ADAM12: variants seen among roughly 807,000 people sequenced by gnomAD.
ADAM12 encodes the protein ADAM metallopeptidase domain 12.
ADAM12 carries 70 observed loss-of-function variants against 106.4 expected under a neutral mutation model. The observed-to-expected ratio is 0.66, with a 90% CI of 0.54 to 0.80. The LOEUF (loss-of-function observed/expected upper bound fraction) is 0.80, where lower values mean the gene tolerates loss of function less well. Among genes scored for constraint, ADAM12 ranks in the 30% least tolerant of loss-of-function variants. The pLI is 0.00. For synonymous variants in ADAM12, 420 were observed against 433.5 expected, an observed-to-expected ratio of 0.97 and a Z score of 0.39; for missense variants, 1,010 against 1,171.9, an observed-to-expected ratio of 0.86 and a Z score of 2.02.
intron 3 of ADAM12, among the ~76,000 whole-genome samples, chr10:126,167,447 G>A (rs1038465519): frequency 1.3e-5 from 2 of 152,332 alleles, no homozygotes; most frequent in Admixed American, 6.5e-5. Context: ...AGAATTTGGA[G>A]TGAGTTGGGT....
chr10:126,172,161 T>C (rs977891410), intron 3 of ADAM12, among the ~76,000 whole-genome samples: 2 of 152,230 alleles, frequency 1.3e-5, no homozygotes, highest in African/African-American at 4.8e-5. Context: ...ATGTATTAAG[T>C]GCACTCCTGT....
At chr10:126,246,401 A>G (rs888464567) in intron 3 of ADAM12, among the ~76,000 whole-genome samples, 1 of 152,216 alleles carries the variant, frequency 6.6e-6, no homozygotes, top group Non-Finnish European at 1.5e-5. Context: ...TCCACAAGGT[A>G]TATACCAAAA....
At chr10:126,348,744 CGAA>C (rs1855244202) in intron 1 of ADAM12, among the ~76,000 whole-genome samples, 1 of 151,988 alleles carries the variant, frequency 6.6e-6, no homozygotes, top group Non-Finnish European at 1.5e-5. Flanking sequence ...TTTATGAGAG[CGAA>C]CCATAAATTG....
intron 19 of ADAM12, 48 bp from the exon 20 acceptor site, chr10:126,038,397 A>C: frequency 5.6e-5 from 80 of 1,423,280 alleles, no homozygotes; most frequent in Non-Finnish European, 6.6e-5. Flanking sequence ...TCCCCTTCTC[A>C]CTGACTTGAC....
chr10:126,169,882 C>T (rs780239302), intron 3 of ADAM12, among the ~76,000 whole-genome samples: 1 of 152,222 alleles, frequency 6.6e-6, no homozygotes, highest in Non-Finnish European at 1.5e-5. Flanking sequence ...GTATGCGTGT[C>T]CCCTCCTCAC....
intron 14 of ADAM12, among the ~76,000 whole-genome samples, chr10:126,063,506 C>CTGACAAAGGTCCTATCAGG (rs1430585956): frequency 1.3e-5 from 2 of 152,196 alleles, no homozygotes; most frequent in East Asian, 3.9e-4. Context: ...CAACAAAAGT[C>CTGACAAAGGTCCTATCAGG]TGACAAAGGT....
intron 1 of ADAM12, among the ~76,000 whole-genome samples, chr10:126,343,944 G>T (rs1327381788): frequency 6.6e-6 from 1 of 152,070 alleles, no homozygotes; most frequent in African/African-American, 2.4e-5. Context: ...TGAGTAGATT[G>T]CAAAAATTTT....
rs1953966120 is a variant in ADAM12, at chr10:126,031,240, CAGG to C, written c.2529+4903_2529+4905del. Among the ~76,000 whole-genome samples the C allele has an allele frequency of 2.0e-5, 3 of 152,178 alleles. No individual in the cohort carries two copies. In the South Asian group the frequency reaches 6.2e-4, roughly 32 times the overall value. On this transcript the variant is annotated intron_variant, in intron 21 of 22. Coordinates refer to ENST00000448723, the MANE Select transcript of ADAM12 (RefSeq NM_001288973.2). ...CAGTTTTCTTGTATTTCATCTTCTT[CAGG>C]AGAACATACTAACAAATGGGTCTTC...
intron 3 of ADAM12, among the ~76,000 whole-genome samples, chr10:126,181,211 A>G (rs1957306109): frequency 6.6e-6 from 1 of 152,006 alleles, no homozygotes; most frequent in Admixed American, 6.6e-5. Context: ...AGCTAGGACT[A>G]CAGGCACATA....
At chr10:126,087,123 T>G (rs1029475719) in intron 11 of ADAM12, among the ~76,000 whole-genome samples, 3 of 152,154 alleles carry the variant, frequency 2.0e-5, no homozygotes, top group Non-Finnish European at 4.4e-5. Flanking sequence ...AACTGGATAT[T>G]CAAGGATCAG....
intron 20 of ADAM12, among the ~76,000 whole-genome samples, chr10:126,037,520 CTTAT>C (rs1954082192): frequency 6.6e-6 from 1 of 152,102 alleles, no homozygotes; most frequent in Non-Finnish European, 1.5e-5. Flanking sequence ...TTTTCAATCA[CTTAT>C]TTTTTTTGAC....
rs557850212 is a variant in ADAM12 at position 126,258,090 on chromosome 10, A to G, written c.260+20825T>C. 2.6e-5 allele frequency among the ~76,000 whole-genome samples: 4 copies of G among 152,330 alleles called. No homozygotes were observed. The South Asian group carries it at 8.3e-4, about 32-fold the overall frequency. ...ACCTCCTGCTATATATCAAGCATAG[A>G]ATAATATGCTAGGGACACAGTGGGG... On this transcript the variant is annotated intron_variant, in intron 3 of 22. Coordinates refer to ENST00000448723, the MANE Select transcript of ADAM12 (RefSeq NM_001288973.2).
intron 2 of ADAM12, among the ~76,000 whole-genome samples, chr10:126,291,907 T>C (rs1377845168): frequency 6.6e-6 from 1 of 152,170 alleles, no homozygotes; most frequent in African/African-American, 2.4e-5. Context: ...ACTTTCCATT[T>C]CAACCCAGTC....
In ADAM12 at chr10:126,016,055, T is replaced by A. The variant is rs1036177931; in HGVS notation, c.*1224A>T. The A allele has an allele frequency of 2.6e-5, 4 of 152,150 alleles. No homozygotes were observed. Among genetic ancestry groups the A allele is most frequent in the African/African-American group, 9.7e-5 (4 of 41,436 alleles). The allele number at this position is 152,150 out of a possible 1,614,324, so 9.4% of individuals were successfully genotyped here. On this transcript the variant is annotated 3_prime_UTR_variant, in exon 23 of 23. Transcript: ENST00000448723. Reference sequence around the variant, plus strand: ...AGGTTGCAAGTGTTTAAGAAATAGGTTCAGACTCTGTTAAAAGCATCTTTT... The same window carrying A: ...AGGTTGCAAGTGTTTAAGAAATAGGATCAGACTCTGTTAAAAGCATCTTTT...
intron 6 of ADAM12, among the ~76,000 whole-genome samples, chr10:126,113,699 T>A (rs1298463794): frequency 0.05 from 1,283 of 25,864 alleles, 55 homozygotes; most frequent in Non-Finnish European, 0.064. Flanking sequence ...TATATATATA[T>A]ATATATATAT....
chr10:126,269,606 T>G (rs1313638252), intron 3 of ADAM12, among the ~76,000 whole-genome samples: 1 of 152,108 alleles, frequency 6.6e-6, no homozygotes, highest in Non-Finnish European at 1.5e-5. Context: ...GGCATCAGCC[T>G]CTCCACTGCT....
chr10:126,052,786 T>C (rs1590342421), intron 14 of ADAM12, among the ~76,000 whole-genome samples: 3 of 152,136 alleles, frequency 2.0e-5, no homozygotes, highest in African/African-American at 4.8e-5. Context: ...GCTATCGTTA[T>C]GATAGGAAGT....
rs200515505 is a variant in ADAM12, at chr10:126,019,689, A to G, written c.2660+6T>C. The G allele has an allele frequency of 1.9e-6, 3 of 1,612,418 alleles. No individual in the cohort carries two copies. The East Asian group carries it at 6.7e-5, about 36-fold the overall frequency. ...GAAAGAGATGGGCATGGCATGTCAC[A>G]CAAACCTGAGGGGTGCCAGGCGGAG... On this transcript the variant is annotated splice_donor_region_variant and intron_variant, in intron 22 of 22. Transcript: ENST00000448723.
At position 126,206,854 on chromosome 10, in the gene ADAM12, T is replaced by TGCGGGG. The variant is rs61139077; in HGVS notation, c.261-51550_261-51549insCCCCGC. On this transcript the variant is annotated intron_variant, in intron 3 of 22. Coordinates refer to ENST00000448723, the MANE Select transcript of ADAM12 (RefSeq NM_001288973.2). Reference sequence around the variant, plus strand: ...TAGCTCCCTGAATTCCCATGTGTTGTGGGGGCGGGGGGGAGCCAGTGGGAG... The same window carrying TGCGGGG: ...TAGCTCCCTGAATTCCCATGTGTTGTGCGGGGGGGGGCGGGGGGGAGCCAGTGGGAG... Among the ~76,000 whole-genome samples the TGCGGGG allele has an allele frequency of 3.9e-3, 319 of 81,286 alleles. 52 individuals are homozygous for TGCGGGG. Among genetic ancestry groups the TGCGGGG allele is most frequent in the Non-Finnish European group, 5.4e-3 (204 of 37,486 alleles). 53.3% of individuals were successfully genotyped at this position (81,286 alleles called of 152,430 possible).
Sources: gnomAD v4.1 joint callset for allele counts (sites outside exome capture counted in the v4.1 genomes callset) on GRCh38, gnomAD v4.1.1 for gene constraint, MANE v1.5 for transcripts, NCBI Gene and HGNC (gene_info 2026-07-23, HGNC 2026-07-21) for gene names.